IGSF21: variants seen among roughly 807,000 people sequenced by gnomAD.
IGSF21 encodes immunoglobulin superfamily member 21.
A neutral mutation model predicts 46.8 loss-of-function variants in IGSF21; 28 were observed. That is an observed-to-expected ratio of 0.60 (90% CI 0.44 to 0.82). The LOEUF (loss-of-function observed/expected upper bound fraction) is 0.82. Among genes scored for constraint, IGSF21 ranks in the 40% least tolerant of loss-of-function variants. The pLI is 0.00. For synonymous variants in IGSF21, 284 were observed against 273.6 expected (o/e 1.04, Z -0.38); for missense variants, 624 against 665.5 (o/e 0.94, Z 0.69).
chr1:18,137,443 C>G (rs114950566), intron 1 of IGSF21, among the ~76,000 whole-genome samples: 111 of 152,258 alleles, frequency 7.3e-4, no homozygotes, highest in African/African-American at 2.4e-3. Flanking sequence ...AATGCTCACC[C>G]CACCCTAAGA....
At chr1:18,181,352 C>T (rs71643497) in intron 1 of IGSF21, among the ~76,000 whole-genome samples, 7,549 of 152,280 alleles carry the variant, frequency 0.05, 198 homozygotes, top group East Asian at 0.057. Context: ...TGACAGGGTG[C>T]GTTTAATTAC....
chr1:18,370,772 C>A (rs1306895586), intron 6 of IGSF21, among the ~76,000 whole-genome samples: 2 of 152,002 alleles, frequency 1.3e-5, no homozygotes, highest in Admixed American at 6.6e-5. Flanking sequence ...GAAAGACTAC[C>A]CAATTTTTTA....
In IGSF21 at chr1:18,254,020, G is replaced by A. The variant is rs1041262331; in HGVS notation, c.183+26010G>A. On this transcript the variant is annotated intron_variant, in intron 2 of 9. Coordinates refer to ENST00000251296, the MANE Select transcript of IGSF21 (RefSeq NM_032880.5). The stretch of plus-strand genomic sequence containing the variant: ...ACACTTTCATTGTCTCAGGAACTGC[G>A]CTAAGCATTTTAGACGTGATCTCTA... Among the ~76,000 whole-genome samples, 12 of 152,172 alleles carry A rather than the reference G, an allele frequency of 7.9e-5. 1 individual carries two copies. The highest frequency in any genetic ancestry group is 2.9e-4 in the African/African-American group (12 of 41,434).
chr1:18,108,342 C>G lies in IGSF21; in HGVS notation c.70+144C>G, dbSNP rs112905917. The G allele has an allele frequency of 1.3e-4, 115 of 852,492 alleles. No individual in the cohort carries two copies. The African/African-American group carries it at 1.8e-3, about 13-fold the overall frequency. The allele number at this position is 852,492 out of a possible 1,614,324, so 52.8% of individuals were successfully genotyped here. A position where few individuals can be genotyped will look rare whatever the true frequency, so the allele number is the denominator to read the frequency against. The stretch of plus-strand genomic sequence containing the variant: ...CCGGGGTCTGTGGAGCTGGTTGGCT[C>G]GATGAGGGAGGGAGGACGCCTCTTG... On this transcript the variant is annotated intron_variant, in intron 1 of 9. Coordinates refer to ENST00000251296, the MANE Select transcript of IGSF21 (RefSeq NM_032880.5).
chr1:18,343,198 T>C (rs888240076), intron 4 of IGSF21, among the ~76,000 whole-genome samples: 8 of 152,238 alleles, frequency 5.3e-5, no homozygotes, highest in African/African-American at 1.7e-4. Flanking sequence ...TCAGGGCCAA[T>C]GACACTGTAC....
chr1:18,275,979 G>A (rs765264768), intron 2 of IGSF21, among the ~76,000 whole-genome samples: 1 of 152,066 alleles, frequency 6.6e-6, no homozygotes, highest in Non-Finnish European at 1.5e-5. Context: ...GAATTTCTCC[G>A]CCGTGCCCAT....
Position 18,365,204 on chromosome 1 carries a change from AC to A in IGSF21, c.541-16del. 1 of 1,567,744 alleles carries A rather than the reference AC, an allele frequency of 6.4e-7. No homozygotes were observed. Among genetic ancestry groups the A allele is most frequent in the Non-Finnish European group, 8.7e-7 (1 of 1,150,308 alleles). ...TAGTAGCACAAAATCATTTTCCCAC[AC>A]CCTCCTTACAATGGCAGGTTTATTT... On this transcript the variant is annotated intron_variant, in intron 5 of 9. Coordinates refer to ENST00000251296, the MANE Select transcript of IGSF21 (RefSeq NM_032880.5). This position sits in a 1 kb window ranked among gnomAD's most constrained non-coding sequence, Gnocchi z 4.8.
intron 1 of IGSF21, among the ~76,000 whole-genome samples, chr1:18,160,656 A>G (rs1425461745): frequency 6.6e-6 from 1 of 152,156 alleles, no homozygotes; most frequent in African/African-American, 2.4e-5. Context: ...ATTCGGTGTG[A>G]CGATGGCTGC....
intron 3 of IGSF21, among the ~76,000 whole-genome samples, chr1:18,318,895 C>T (rs113880671): frequency 1.4e-4 from 21 of 152,204 alleles, no homozygotes; most frequent in East Asian, 7.7e-4. Flanking sequence ...GCTTTTATAC[C>T]GGTTATTCCC....
chr1:18,240,865 G>A (rs1427504157), intron 2 of IGSF21, among the ~76,000 whole-genome samples: 3 of 152,204 alleles, frequency 2.0e-5, no homozygotes, highest in Non-Finnish European at 4.4e-5. Context: ...TTCAGCTCTG[G>A]AATTCTGTGC....
chr1:18,244,081 C>G (rs769542739), intron 2 of IGSF21, among the ~76,000 whole-genome samples: 27 of 152,234 alleles, frequency 1.8e-4, no homozygotes, highest in Non-Finnish European at 3.2e-4. Flanking sequence ...CCTTGTTCAG[C>G]CTCAAAAGTG....
chr1:18,185,768 G>A (rs1476679586), intron 1 of IGSF21, among the ~76,000 whole-genome samples: 1 of 152,180 alleles, frequency 6.6e-6, no homozygotes, highest in Non-Finnish European at 1.5e-5. Flanking sequence ...TAGGGTTGCT[G>A]TAAGGATGAA....
Position 18,297,814 on chromosome 1 carries a change from T to C in IGSF21, c.305+5827T>C, listed in dbSNP as rs1317987127. The stretch of plus-strand genomic sequence containing the variant: ...TTGTATTATTTATATTGTTGCATTA[T>C]TATTTTTTTTCTCTGAATATTTTTG... On this transcript the variant is annotated intron_variant, in intron 3 of 9. Coordinates refer to ENST00000251296, the MANE Select transcript of IGSF21 (RefSeq NM_032880.5). 2.8e-5 allele frequency among the ~76,000 whole-genome samples: 4 copies of C among 141,674 alleles called. No individual in the cohort carries two copies. In the South Asian group the frequency reaches 8.5e-4, roughly 30 times the overall value. 92.9% of individuals were successfully genotyped at this position (141,674 alleles called of 152,430 possible).
chr1:18,346,668 G>T (rs945866002), intron 4 of IGSF21, among the ~76,000 whole-genome samples: 4 of 152,174 alleles, frequency 2.6e-5, no homozygotes, highest in African/African-American at 7.2e-5. Context: ...AGCAGCCAGC[G>T]ATCGCAGAAA....
intron 1 of IGSF21, among the ~76,000 whole-genome samples, chr1:18,187,417 G>A (rs1481291408): frequency 6.6e-6 from 1 of 152,162 alleles, no homozygotes; most frequent in African/African-American, 2.4e-5. Flanking sequence ...ACGTGGCTGG[G>A]GAGGCCTCAT....
intron 2 of IGSF21, among the ~76,000 whole-genome samples, chr1:18,273,428 TC>T (rs1454822603): frequency 8.3e-5 from 12 of 143,942 alleles, no homozygotes; most frequent in African/African-American, 3.1e-4. Flanking sequence ...TCCTTTCCTT[TC>T]CTTTCTTTCT....
chr1:18,317,541 T>A (rs534829116), intron 3 of IGSF21, among the ~76,000 whole-genome samples: 1 of 152,286 alleles, frequency 6.6e-6, no homozygotes, highest in South Asian at 2.1e-4. Flanking sequence ...AAATGTGGAT[T>A]CTTGAGGCTT....
chr1:18,243,275 CT>C (rs947122863), intron 2 of IGSF21, among the ~76,000 whole-genome samples: 34 of 152,188 alleles, frequency 2.2e-4, no homozygotes, highest in African/African-American at 7.2e-4. Flanking sequence ...CTACCCCTCC[CT>C]TAGTCTTCTC....
chr1:18,362,285 G>C (rs536876580), intron 5 of IGSF21, 55 bp downstream of exon 5: 1 of 1,307,256 alleles, frequency 7.6e-7, no homozygotes, highest in East Asian at 2.4e-5. Context: ...ACCCTGCTTC[G>C]GGGCTGGTCC....
Sources: allele counts gnomAD v4.1 joint callset (sites outside exome capture counted in the v4.1 genomes callset), GRCh38; gene constraint gnomAD v4.1.1; non-coding constraint Gnocchi (gnomAD v3.1); transcripts MANE v1.5; gene names NCBI Gene and HGNC (gene_info 2026-07-23, HGNC 2026-07-21).